SLC14A2: variants seen among roughly 807,000 people sequenced by gnomAD.
The protein encoded by SLC14A2 is urea transporter 2.
SLC14A2 carries 91 observed loss-of-function variants against 104.6 expected under a neutral mutation model. The observed-to-expected ratio is 0.87, with a 90% CI of 0.73 to 1.04. The LOEUF (loss-of-function observed/expected upper bound fraction) is 1.04. Among genes scored for constraint, SLC14A2 ranks in the 50% least tolerant of loss-of-function variants. SLC14A2 has a pLI of 0.00. For synonymous variants in SLC14A2, 476 were observed against 466.4 expected (o/e 1.02, Z -0.27); for missense variants, 1,189 against 1,156.0 (o/e 1.03, Z -0.41).
intron 1 of SLC14A2, among the ~76,000 whole-genome samples, chr18:45,231,762 T>C (rs8090126): frequency 0.18 from 27,018 of 152,246 alleles, 2,459 homozygotes; most frequent in Middle Eastern, 0.22. Flanking sequence ...AGTTATGCTA[T>C]GCTATGGGGT....
intron 1 of SLC14A2, among the ~76,000 whole-genome samples, chr18:45,260,781 A>G (rs2084527283): frequency 6.6e-6 from 1 of 152,136 alleles, no homozygotes; most frequent in Admixed American, 6.6e-5. Flanking sequence ...ACTGGGAGCT[A>G]AACATTGAAT....
At chr18:45,335,170 A>C (rs1453296968) in intron 1 of SLC14A2, among the ~76,000 whole-genome samples, 2 of 149,410 alleles carry the variant, frequency 1.3e-5, no homozygotes, top group Non-Finnish European at 3.0e-5. Flanking sequence ...CATCCTTCCT[A>C]CTCCTTTTCC....
intron 2 of SLC14A2, among the ~76,000 whole-genome samples, chr18:45,519,792 C>T (rs1173962747): frequency 2.6e-5 from 4 of 152,222 alleles, no homozygotes; most frequent in African/African-American, 9.6e-5. Context: ...TGCTCATCCC[C>T]TGGAGCCTGT....
chr18:45,593,590 C>T (rs1486794437), intron 2 of SLC14A2, among the ~76,000 whole-genome samples: 4 of 145,292 alleles, frequency 2.8e-5, no homozygotes, highest in East Asian at 4.3e-4. Flanking sequence ...CCCGGGTTCA[C>T]GCCGTTCTCC....
chr18:45,542,800 A>G (rs1021370000), intron 2 of SLC14A2, among the ~76,000 whole-genome samples: 2 of 152,164 alleles, frequency 1.3e-5, no homozygotes, highest in African/African-American at 2.4e-5. Context: ...GCTGACGAGT[A>G]TCCACCATTC....
At chr18:45,208,026 C>A (rs531363778), upstream of SLC14A2, among the ~76,000 whole-genome samples, 1 of 152,128 alleles carries the variant, frequency 6.6e-6, no homozygotes, top group Non-Finnish European at 1.5e-5. Flanking sequence ...AACTGGGACC[C>A]AAAGCCAAAC....
chr18:45,561,525 G>A (rs527598683), intron 2 of SLC14A2, among the ~76,000 whole-genome samples: 198 of 152,288 alleles, frequency 1.3e-3, no homozygotes, highest in Non-Finnish European at 2.1e-3. Context: ...GGGGCAGCCC[G>A]TTGGGTGGCT....
chr18:45,443,209 A>C (rs2086708689), intron 1 of SLC14A2, among the ~76,000 whole-genome samples: 1 of 152,204 alleles, frequency 6.6e-6, no homozygotes, highest in South Asian at 2.1e-4. Context: ...GACAAGAGGC[A>C]AACTAATAGG....
intron 1 of SLC14A2, among the ~76,000 whole-genome samples, chr18:45,243,381 A>T (rs1324612549): frequency 6.6e-6 from 1 of 152,130 alleles, no homozygotes; most frequent in Non-Finnish European, 1.5e-5. Context: ...AGGCTTGTAG[A>T]AGTTAAGAGA....
intron 1 of SLC14A2, among the ~76,000 whole-genome samples, chr18:45,239,280 C>T (rs2084287300): frequency 6.6e-6 from 1 of 152,220 alleles, no homozygotes; most frequent in Non-Finnish European, 1.5e-5. Context: ...ATCCCACTGC[C>T]ACTGTCCACT....
chr18:45,439,962 G>A (rs1255816742), intron 1 of SLC14A2, among the ~76,000 whole-genome samples: 1 of 152,194 alleles, frequency 6.6e-6, no homozygotes, highest in East Asian at 1.9e-4. Flanking sequence ...GCATTGGAAA[G>A]CTAGTTGCAG....
intron 1 of SLC14A2, among the ~76,000 whole-genome samples, chr18:45,332,776 G>A (rs1257015276): frequency 6.6e-6 from 1 of 152,168 alleles, no homozygotes; most frequent in African/African-American, 2.4e-5. Context: ...TAAGTCCAGA[G>A]CTTAGATTGA....
chr18:45,377,184 A>G (rs992841849), intron 1 of SLC14A2, among the ~76,000 whole-genome samples: 1 of 151,546 alleles, frequency 6.6e-6, no homozygotes, highest in Non-Finnish European at 1.5e-5. Context: ...TGTTTAGTCT[A>G]TATTAACCCT....
At chr18:45,429,421 A>G (rs1244337697) in intron 1 of SLC14A2, among the ~76,000 whole-genome samples, 1 of 152,208 alleles carries the variant, frequency 6.6e-6, no homozygotes, top group Non-Finnish European at 1.5e-5. Flanking sequence ...CTCTCTGAGC[A>G]GAAGCAAATT....
At position 45,254,153 on chromosome 18, in the gene SLC14A2, C is replaced by G. The variant is rs537402924; in HGVS notation, c.-125+40962C>G. Among the ~76,000 whole-genome samples, 23 of 152,328 alleles carry G rather than the reference C, an allele frequency of 1.5e-4. 1 individual carries two copies. In the South Asian group the frequency reaches 4.8e-3, roughly 32 times the overall value. ...TGTCCATCCTGGGACTGTCAACCAG[C>G]TCCTCTCATTCAGTCGACACTCTTG... On this transcript the variant is annotated intron_variant, in intron 1 of 20. Coordinates refer to the SLC14A2 transcript ENST00000586448.
chr18:45,620,049 C>A (rs930887982), intron 1 of SLC14A2, among the ~76,000 whole-genome samples: 1 of 152,234 alleles, frequency 6.6e-6, no homozygotes, highest in African/African-American at 2.4e-5. Context: ...TCCACAGGGC[C>A]ATTGGTGCTG....
chr18:45,666,521 C>A (rs2046026955), intron 12 of SLC14A2, among the ~76,000 whole-genome samples: 1 of 151,554 alleles, frequency 6.6e-6, no homozygotes, highest in Non-Finnish European at 1.5e-5. Context: ...AATTTCATAC[C>A]CTTATGTTTA....
At position 45,659,157 on chromosome 18, in the gene SLC14A2, C is replaced by T. The variant is rs545691739; in HGVS notation, c.1352-4628C>T. On this transcript the variant is annotated intron_variant, in intron 10 of 19. Transcript: ENST00000255226. ...TCACCCACAGGTTTTCCAGGACATGCGTGTAACTGCCCAAGAGAGCCACCC... is the reference window on the plus strand; with the variant it reads ...TCACCCACAGGTTTTCCAGGACATGTGTGTAACTGCCCAAGAGAGCCACCC... Among the ~76,000 whole-genome samples, 11 of 152,332 alleles carry T rather than the reference C, an allele frequency of 7.2e-5. No individual in the cohort carries two copies. The East Asian group carries it at 1.5e-3, about 21-fold the overall frequency.
chr18:45,622,668 G>C (rs552185191), intron 1 of SLC14A2, among the ~76,000 whole-genome samples: 1 of 152,156 alleles, frequency 6.6e-6, no homozygotes, highest in Non-Finnish European at 1.5e-5. Flanking sequence ...CCAAAAGAGA[G>C]TGTGAAGGAG....
Sources: gnomAD v4.1 joint callset for allele counts (sites outside exome capture counted in the v4.1 genomes callset) on GRCh38, gnomAD v4.1.1 for gene constraint, MANE v1.5 for transcripts, NCBI Gene and HGNC (gene_info 2026-07-23, HGNC 2026-07-21) for gene names.